The following NTRK3 variants were observed in gnomAD, a reference collection of about 807,000 sequenced individuals.
NTRK3 encodes the protein neurotrophic receptor tyrosine kinase 3.
In NTRK3, 24 loss-of-function variants were observed where a neutral mutation model predicts 91.7. The observed-to-expected ratio is 0.26, with a 90% CI of 0.19 to 0.37. The LOEUF (loss-of-function observed/expected upper bound fraction) is 0.37, where lower values mean the gene tolerates loss of function less well. NTRK3 is among the 10% of genes least tolerant of loss of function. The pLI is 1.00. For missense variants in NTRK3, 880 were observed against 1,068.9 expected (o/e 0.82, Z 2.46); for synonymous variants, 483 against 404.0 (o/e 1.20, Z -2.34).
At chr15:87,905,715 T>G (rs1037232846) in intron 17 of NTRK3, among the ~76,000 whole-genome samples, 5 of 152,154 alleles carry the variant, frequency 3.3e-5, no homozygotes, top group African/African-American at 1.2e-4. Context: ...GCACTCTGCA[T>G]GCATTCTCCC....
rs539659172 is a variant in NTRK3 at position 88,127,066 on chromosome 15, C to G, written c.1293+96G>C. The stretch of plus-strand genomic sequence containing the variant: ...TCATTACTTTTTTTTTTCAAAGTTT[C>G]AAGTAAGATAATATTTGGAAAAGTT... On this transcript the variant is annotated intron_variant, in intron 12 of 18. Transcript: ENST00000394480. 24 of 1,091,754 alleles carry G rather than the reference C, an allele frequency of 2.2e-5. No individual in the cohort carries two copies. In the South Asian group the frequency reaches 2.7e-4, roughly 12 times the overall value. The allele number at this position is 1,091,754 out of a possible 1,614,324, so 67.6% of individuals were successfully genotyped here. A position where few individuals can be genotyped will look rare whatever the true frequency, so the allele number is the denominator to read the frequency against.
chr15:87,877,614 G>C (rs2065010509), intron 18 of NTRK3, among the ~76,000 whole-genome samples: 1 of 152,050 alleles, frequency 6.6e-6, no homozygotes, highest in Non-Finnish European at 1.5e-5. Flanking sequence ...GCTCCCAGTT[G>C]CAGACTCTGT....
intron 16 of NTRK3, among the ~76,000 whole-genome samples, chr15:87,932,408 C>G (rs1365290103): frequency 6.6e-6 from 1 of 152,102 alleles, no homozygotes; most frequent in East Asian, 1.9e-4. Context: ...AATTTTTAAA[C>G]CTTATTGAAC....
intron 13 of NTRK3, among the ~76,000 whole-genome samples, chr15:88,109,631 G>A (rs548749735): frequency 1.3e-5 from 2 of 152,156 alleles, no homozygotes; most frequent in African/African-American, 4.8e-5. Flanking sequence ...AGAAAGAGGT[G>A]GGGGGCTGGG....
At chr15:87,940,743 G>T in exon 15 of NTRK3, 3 of 1,614,130 alleles carry the variant, frequency 1.9e-6, no homozygotes, top group Non-Finnish European at 2.5e-6. Flanking sequence ...TCCTCTTAAT[G>T]TGCTGCACAT....
intron 6 of NTRK3, among the ~76,000 whole-genome samples, 195 bp from the exon 7 acceptor site, chr15:88,137,756 T>G (rs7174995): frequency 6.6e-6 from 1 of 152,010 alleles, no homozygotes; most frequent in African/African-American, 2.4e-5. Context: ...CTCATTTTTT[T>G]AAAAAAAGAA....
chr15:88,214,509 C>A, intron 3 of NTRK3, among the ~76,000 whole-genome samples: 1 of 152,080 alleles, frequency 6.6e-6, no homozygotes, highest in East Asian at 1.9e-4. Context: ...TCTGCAAAGA[C>A]CCTATTTCCA....
intron 17 of NTRK3, among the ~76,000 whole-genome samples, chr15:87,881,217 G>T (rs1270960381): frequency 1.3e-5 from 2 of 152,200 alleles, no homozygotes; most frequent in East Asian, 3.9e-4. Flanking sequence ...GTTAGCATAA[G>T]TGGGAGAAAA....
chr15:87,871,460 C>T (rs1370004500), exon 19 of NTRK3: 2 of 230,554 alleles, frequency 8.7e-6, no homozygotes, highest in Non-Finnish European at 1.7e-5. Flanking sequence ...TGTCTCACCC[C>T]TCCTAGGGGG....
chr15:87,983,848 G>C (rs142257040), intron 14 of NTRK3, among the ~76,000 whole-genome samples: 1 of 152,276 alleles, frequency 6.6e-6, no homozygotes, highest in Non-Finnish European at 1.5e-5. Flanking sequence ...ACAGAGGGCA[G>C]GGCTTTCTTA....
intron 14 of NTRK3, among the ~76,000 whole-genome samples, chr15:87,995,757 T>C (rs2075644081): frequency 6.6e-6 from 1 of 152,160 alleles, no homozygotes. Flanking sequence ...TTATAGGCTT[T>C]TCAGGCCATA....
chr15:88,145,608 C>T (rs924054906), intron 6 of NTRK3, among the ~76,000 whole-genome samples: 1 of 152,176 alleles, frequency 6.6e-6, no homozygotes, highest in Non-Finnish European at 1.5e-5. Context: ...CGTAACAGGT[C>T]ACCAGGGCAG....
chr15:87,908,079 C>A (rs1273988682), intron 17 of NTRK3, among the ~76,000 whole-genome samples: 1 of 152,090 alleles, frequency 6.6e-6, no homozygotes, highest in Non-Finnish European at 1.5e-5. Context: ...AGTGTAAGCA[C>A]CCAAAGTGTA....
intron 13 of NTRK3, among the ~76,000 whole-genome samples, chr15:88,073,092 T>A (rs1245846317): frequency 6.6e-6 from 1 of 152,188 alleles, no homozygotes; most frequent in East Asian, 1.9e-4. Flanking sequence ...CCAGAGCTAT[T>A]AATAACATTG....
chr15:88,228,222 A>C (rs761420420), intron 3 of NTRK3, among the ~76,000 whole-genome samples: 5 of 151,946 alleles, frequency 3.3e-5, no homozygotes, highest in Non-Finnish European at 5.9e-5. Context: ...GAATCCATGC[A>C]TGCCCCCTCA....
rs1224431491 is a variant in NTRK3 at position 88,255,066 on chromosome 15, C to T, written c.248+840G>A. ...GGGGGCAGAACCAAGCAAAAGCCAG[C>T]CAGAGTTGAATGTTCCAAATGAACC... is the stretch of plus-strand genomic sequence containing the variant. On this transcript the variant is annotated intron_variant, in intron 3 of 18. Transcript: ENST00000394480. The surrounding 1 kb of genome is among the most constrained non-coding windows in gnomAD (Gnocchi z 4.3). Among the ~76,000 whole-genome samples, 1 of 152,158 alleles carries T rather than the reference C, an allele frequency of 6.6e-6. No individual in the cohort carries two copies. Among genetic ancestry groups the T allele is most frequent in the African/African-American group, 2.4e-5 (1 of 41,448 alleles).
At chr15:88,202,923 T>A (rs2048425587) in intron 3 of NTRK3, among the ~76,000 whole-genome samples, 2 of 152,240 alleles carry the variant, frequency 1.3e-5, no homozygotes, top group South Asian at 4.1e-4. Flanking sequence ...AGGGGCTGGA[T>A]GAGACACTGC....
chr15:87,923,221 C>T (rs1596267895), intron 17 of NTRK3, among the ~76,000 whole-genome samples: 1 of 152,264 alleles, frequency 6.6e-6, no homozygotes, highest in Admixed American at 6.5e-5. Context: ...TGTTTTTTCT[C>T]TTCTATGTGG....
rs74982645 is a variant in NTRK3, at chr15:88,092,887, C to A, written c.1396+33384G>T. Among the ~76,000 whole-genome samples, 171 of 152,330 alleles carry A rather than the reference C, an allele frequency of 1.1e-3. 1 individual carries two copies. The East Asian group carries it at 0.028, about 25-fold the overall frequency. Reference sequence around the variant, plus strand: ...TCTGCCTCTCCCTTACAAAAATGCACATTCTTGCCTTCAGGACCTACCTGG... The same window carrying A: ...TCTGCCTCTCCCTTACAAAAATGCAAATTCTTGCCTTCAGGACCTACCTGG... On this transcript the variant is annotated intron_variant, in intron 13 of 18. Transcript: ENST00000394480.
Sources: gnomAD v4.1 joint callset for allele counts (sites outside exome capture counted in the v4.1 genomes callset) on GRCh38, gnomAD v4.1.1 for gene constraint, Gnocchi (gnomAD v3.1) non-coding constraint, MANE v1.5 for transcripts, NCBI Gene and HGNC (gene_info 2026-07-23, HGNC 2026-07-21) for gene names.